The following MAPKAP1 variants were observed in gnomAD, a reference collection of about 807,000 sequenced individuals.
MAPKAP1 encodes the protein target of rapamycin complex 2 subunit MAPKAP1.
A neutral mutation model predicts 65.7 loss-of-function variants in MAPKAP1; 20 were observed. The observed-to-expected ratio is 0.30, with a 90% CI of 0.21 to 0.44. The LOEUF is 0.44. MAPKAP1 is among the 20% of genes least tolerant of loss of function. MAPKAP1 has a pLI of 1.00. For synonymous variants in MAPKAP1, 222 were observed against 244.3 expected (o/e 0.91, Z 0.85); for missense variants, 423 against 648.0 (o/e 0.65, Z 3.77).
chr9:125,586,422 T>C (rs1191521922), intron 4 of MAPKAP1, among the ~76,000 whole-genome samples: 1 of 152,102 alleles, frequency 6.6e-6, no homozygotes, highest in Non-Finnish European at 1.5e-5. Context: ...TTTAAAACGA[T>C]TTCCTCTACC....
At chr9:125,545,386 C>G (rs1287573241) in intron 6 of MAPKAP1, among the ~76,000 whole-genome samples, 1 of 152,194 alleles carries the variant, frequency 6.6e-6, no homozygotes, top group African/African-American at 2.4e-5. Context: ...CAGTCAACCA[C>G]GTTCAGATTT....
intron 4 of MAPKAP1, among the ~76,000 whole-genome samples, chr9:125,606,349 C>A (rs1832439413): frequency 6.6e-6 from 1 of 152,178 alleles, no homozygotes; most frequent in Admixed American, 6.5e-5. Flanking sequence ...GCAGAAAGGG[C>A]TGTCCTCATA....
chr9:125,438,791 C>T lies in MAPKAP1; in HGVS notation c.*96G>A. 6.5e-7 allele frequency: 1 copy of T among 1,531,880 alleles called. No homozygotes were observed. Among genetic ancestry groups the T allele is most frequent in the Non-Finnish European group, 8.9e-7 (1 of 1,124,688 alleles). 94.9% of individuals were successfully genotyped at this position (1,531,880 alleles called of 1,614,324 possible). ...TGCCAGTGAGCCAGGGGCTGGCCTCCCCCCGAGGACTTCAGGACACCGGGT... is the reference window on the plus strand; with the variant it reads ...TGCCAGTGAGCCAGGGGCTGGCCTCTCCCCGAGGACTTCAGGACACCGGGT... On this transcript the variant is annotated 3_prime_UTR_variant, in exon 12 of 12. Transcript: ENST00000265960.
chr9:125,566,683 G>A (rs1171088225), intron 5 of MAPKAP1, among the ~76,000 whole-genome samples: 1 of 152,220 alleles, frequency 6.6e-6, no homozygotes, highest in African/African-American at 2.4e-5. Context: ...CTCACACTGA[G>A]AAACCTATTT....
At chr9:125,649,283 T>C (rs1397753508) in intron 4 of MAPKAP1, among the ~76,000 whole-genome samples, 2 of 152,194 alleles carry the variant, frequency 1.3e-5, no homozygotes, top group African/African-American at 2.4e-5. Flanking sequence ...AGTGAGAAGG[T>C]AGTACAACAA....
intron 4 of MAPKAP1, among the ~76,000 whole-genome samples, chr9:125,602,470 A>G (rs1005264242): frequency 3.3e-5 from 5 of 152,202 alleles, no homozygotes; most frequent in African/African-American, 9.7e-5. Flanking sequence ...TTTTATTTCT[A>G]AAACTGAGGG....
chr9:125,695,412 T>C (rs189463023), intron 1 of MAPKAP1, among the ~76,000 whole-genome samples: 16 of 152,336 alleles, frequency 1.1e-4, no homozygotes, highest in African/African-American at 3.6e-4. Flanking sequence ...CACCTCTTTA[T>C]ATGGCACCTG....
At chr9:125,555,974 G>A (rs1830724204) in intron 6 of MAPKAP1, among the ~76,000 whole-genome samples, 1 of 152,268 alleles carries the variant, frequency 6.6e-6, no homozygotes, top group African/African-American at 2.4e-5. Context: ...CAAGAAATAC[G>A]TGTGACAGAT....
At chr9:125,444,705 C>T in intron 10 of MAPKAP1, 107 bp from the exon 11 acceptor site, 1 of 714,804 alleles carries the variant, frequency 1.4e-6, no homozygotes, top group Non-Finnish European at 2.4e-6. Context: ...CAAGTGGAGG[C>T]TGAGCAGCAC....
At chr9:125,576,497 C>T (rs1409598224) in intron 5 of MAPKAP1, among the ~76,000 whole-genome samples, 40 of 150,814 alleles carry the variant, frequency 2.7e-4, no homozygotes, top group Non-Finnish European at 3.0e-5. Context: ...TCTCCCTCTC[C>T]CTCTCCCCAC....
chr9:125,664,361 A>T (rs576479977), intron 3 of MAPKAP1, among the ~76,000 whole-genome samples: 4 of 151,820 alleles, frequency 2.6e-5, no homozygotes, highest in Non-Finnish European at 5.9e-5. Flanking sequence ...AAAAATAAAA[A>T]AAAATAAAAA....
At chr9:125,549,511 C>G (rs574850409) in intron 6 of MAPKAP1, among the ~76,000 whole-genome samples, 5 of 152,204 alleles carry the variant, frequency 3.3e-5, no homozygotes, top group Non-Finnish European at 7.3e-5. Context: ...TCCCCTTAGA[C>G]TGACCAAAAA....
At chr9:125,593,727 C>G (rs1167287084) in intron 4 of MAPKAP1, among the ~76,000 whole-genome samples, 2 of 152,202 alleles carry the variant, frequency 1.3e-5, no homozygotes, top group Middle Eastern at 3.2e-3. Context: ...GAACAACATT[C>G]TCCAGAGCAG....
intron 1 of MAPKAP1, among the ~76,000 whole-genome samples, chr9:125,685,841 C>T (rs944027340): frequency 2.0e-5 from 3 of 152,126 alleles, no homozygotes; most frequent in Admixed American, 6.6e-5. Flanking sequence ...AGGGGCTGTC[C>T]GGTGAGTTTA....
At chr9:125,477,472 G>C (rs1224024433) in intron 9 of MAPKAP1, among the ~76,000 whole-genome samples, 2 of 152,194 alleles carry the variant, frequency 1.3e-5, no homozygotes, top group Non-Finnish European at 2.9e-5. Context: ...CACAATCTAG[G>C]GGAGATATTG....
chr9:125,671,281 C>A (rs901576886), intron 2 of MAPKAP1, among the ~76,000 whole-genome samples: 35 of 152,190 alleles, frequency 2.3e-4, no homozygotes, highest in African/African-American at 8.4e-4. Context: ...TTATTTTCAT[C>A]ATGAGAGCAA....
chr9:125,697,198 T>C (rs1835412294), intron 1 of MAPKAP1, among the ~76,000 whole-genome samples: 1 of 152,246 alleles, frequency 6.6e-6, no homozygotes, highest in African/African-American at 2.4e-5. Context: ...ATGTTCTAAG[T>C]GCAAAATAAA....
In MAPKAP1 at chr9:125,625,236, TAA is replaced by T. The variant is rs148061530; in HGVS notation, c.498+32413_498+32414del. Among the ~76,000 whole-genome samples, 389 of 54,422 alleles carry T rather than the reference TAA, an allele frequency of 7.1e-3. 2 individuals are homozygous for T. The highest frequency in any genetic ancestry group is 8.6e-3 in the Non-Finnish European group (254 of 29,624). The allele number at this position is 54,422 out of a possible 152,430, so 35.7% of individuals were successfully genotyped here. A position where few individuals can be genotyped will look rare whatever the true frequency, so the allele number is the denominator to read the frequency against. On this transcript the variant is annotated intron_variant, in intron 4 of 11. Coordinates refer to ENST00000265960, the MANE Select transcript of MAPKAP1 (RefSeq NM_001006617.3). ...GTGAGAAACACCCAAGAATTATCAA[TAA>T]AAAAAAAATAAATAAATAAAAAAAA...
intron 3 of MAPKAP1, among the ~76,000 whole-genome samples, chr9:125,659,959 C>A (rs1834137714): frequency 6.6e-6 from 1 of 152,136 alleles, no homozygotes; most frequent in Non-Finnish European, 1.5e-5. Flanking sequence ...CCTCATCTTA[C>A]AAGATGTCTT....
Sources: gnomAD v4.1 joint callset for allele counts (sites outside exome capture counted in the v4.1 genomes callset) on GRCh38, gnomAD v4.1.1 for gene constraint, MANE v1.5 for transcripts, NCBI Gene and HGNC (gene_info 2026-07-23, HGNC 2026-07-21) for gene names.